Variants in TNPO3 observed in about 807,000 individuals in gnomAD.
TNPO3 encodes transportin-3.
TNPO3 carries 65 observed loss-of-function variants against 122.8 expected under a neutral mutation model. The observed-to-expected ratio is 0.53, with a 90% CI of 0.43 to 0.65. The LOEUF (loss-of-function observed/expected upper bound fraction) is 0.65. Among genes scored for constraint, TNPO3 ranks in the 30% least tolerant of loss-of-function variants. The pLI is 0.00. For missense variants in TNPO3, 850 were observed against 1,136.7 expected, an observed-to-expected ratio of 0.75 and a Z score of 3.63; for synonymous variants, 372 against 411.2, an observed-to-expected ratio of 0.90 and a Z score of 1.15.
At chr7:129,046,264 C>T (rs1450317641) in intron 1 of TNPO3, among the ~76,000 whole-genome samples, 1 of 150,522 alleles carries the variant, frequency 6.6e-6, no homozygotes, top group Non-Finnish European at 1.5e-5. Flanking sequence ...AATAGTCACA[C>T]TAGACTGGTG....
At chr7:129,028,576 G>C (rs1805537571) in intron 1 of TNPO3, among the ~76,000 whole-genome samples, 1 of 152,230 alleles carries the variant, frequency 6.6e-6, no homozygotes, top group Non-Finnish European at 1.5e-5. Context: ...AACAAGGTCA[G>C]TCCCGGCAGC....
At chr7:128,961,271 T>C (rs553904040) in intron 21 of TNPO3, among the ~76,000 whole-genome samples, 4 of 152,190 alleles carry the variant, frequency 2.6e-5, no homozygotes, top group African/African-American at 4.8e-5. Context: ...CCTTTTTTTT[T>C]CTCTTTTATA....
In TNPO3 at chr7:128,957,221, C is replaced by T. The variant is rs370478881; in HGVS notation, c.*31+3G>A. On this transcript the variant is annotated splice_donor_region_variant and intron_variant, in intron 22 of 22. Transcript: ENST00000265388. ...ACAAAAGCTGGGAACTATGTATCCT[C>T]ACCTGGGTGACAGGCACAGTGCAGG... is the stretch of plus-strand genomic sequence containing the variant. The T allele has an allele frequency of 1.2e-6, 2 of 1,613,570 alleles. No individual in the cohort carries two copies. The highest frequency in any genetic ancestry group is 1.7e-6 in the Non-Finnish European group (2 of 1,179,496).
chr7:128,956,814 G>A (rs553742576), intron 22 of TNPO3, among the ~76,000 whole-genome samples: 1 of 152,208 alleles, frequency 6.6e-6, no homozygotes, highest in Non-Finnish European at 1.5e-5. Context: ...ATTACATCTG[G>A]AGGGTCAGTT....
chr7:128,995,207 T>C (rs75969344), intron 8 of TNPO3, among the ~76,000 whole-genome samples: 16 of 152,354 alleles, frequency 1.1e-4, no homozygotes, highest in African/African-American at 3.8e-4. Context: ...TATGACATTA[T>C]TTTATGTTTG....
chr7:129,005,205 T>A, intron 4 of TNPO3, 46 bp from the exon 5 acceptor site: 1 of 1,519,120 alleles, frequency 6.6e-7, no homozygotes, highest in Non-Finnish European at 9.0e-7. Flanking sequence ...AATCTATATA[T>A]TTAAACCATT....
chr7:128,972,458 G>A lies in TNPO3; in HGVS notation c.2398C>T (p.Arg800Ter), dbSNP rs765598609. The change falls in exon 19 of 23, where the codon CGA becomes TGA. Residue 800 changes from arginine (R) to a stop codon, truncating the protein, a stop_gained. Coordinates refer to ENST00000265388, the MANE Select transcript of TNPO3 (RefSeq NM_012470.4). LOFTEE classifies it high-confidence loss of function. Reference sequence around the variant, plus strand: ...GCTACCCCTGTATGAATGAGGTCTCGTAGAAACCTCATGACACTACAATTG... The same window carrying A: ...GCTACCCCTGTATGAATGAGGTCTCATAGAAACCTCATGACACTACAATTG... ...DANCSVMRFL[R>*]DLIHTGVAND... The A allele has an allele frequency of 1.9e-6, 3 of 1,613,904 alleles. No homozygotes were observed. The highest frequency in any genetic ancestry group is 1.1e-5 in the South Asian group (1 of 91,042).
At chr7:129,049,934 A>T (rs1269763208) in intron 1 of TNPO3, among the ~76,000 whole-genome samples, 1 of 152,174 alleles carries the variant, frequency 6.6e-6, no homozygotes, top group East Asian at 1.9e-4. Flanking sequence ...CAAAAAATAA[A>T]GGAGTGGAGC....
intron 21 of TNPO3, among the ~76,000 whole-genome samples, chr7:128,962,371 C>CAAA (rs11287209): frequency 2.9e-5 from 3 of 102,238 alleles, no homozygotes; most frequent in Admixed American, 1.0e-4. Context: ...GACTCCGTCT[C>CAAA]AAAAAAAAAA....
rs144627210 is a variant in TNPO3 at position 129,051,949 on chromosome 7, G to A, written c.120+2702C>T. ...GTGAGCCACTGCACGCCCAGCCTGG[G>A]TGGTGGCTTTTTAGTAAAGACAAGA... is the stretch of plus-strand genomic sequence containing the variant. On this transcript the variant is annotated intron_variant, in intron 1 of 22. Coordinates refer to ENST00000265388, the MANE Select transcript of TNPO3 (RefSeq NM_012470.4). Among the ~76,000 whole-genome samples the A allele has an allele frequency of 5.0e-4, 76 of 152,280 alleles. No homozygotes were observed. The East Asian group carries it at 0.014, about 29-fold the overall frequency.
chr7:128,972,239 T>C (rs1489295940), intron 19 of TNPO3, among the ~76,000 whole-genome samples, 187 bp downstream of exon 19: 1 of 152,244 alleles, frequency 6.6e-6, no homozygotes, highest in Non-Finnish European at 1.5e-5. Context: ...GACTGCTTTA[T>C]ATAGCCTAAA....
Position 128,975,989 on chromosome 7 carries a change from C to T in TNPO3, c.2062-54G>A. Reference sequence around the variant, plus strand: ...TGCTTCGTCCTTCAAAAAGTACCAACTTACGAAGCTGTCTCCAGGAAGAAA... The same window carrying T: ...TGCTTCGTCCTTCAAAAAGTACCAATTTACGAAGCTGTCTCCAGGAAGAAA... On this transcript the variant is annotated intron_variant, in intron 16 of 22. Coordinates refer to ENST00000265388, the MANE Select transcript of TNPO3 (RefSeq NM_012470.4). The T allele has an allele frequency of 3.2e-6, 4 of 1,243,802 alleles. No homozygotes were observed. The South Asian group carries it at 4.8e-5, about 15-fold the overall frequency. 77.0% of individuals were successfully genotyped at this position (1,243,802 alleles called of 1,614,324 possible). A position where few individuals can be genotyped will look rare whatever the true frequency, so the allele number is the denominator to read the frequency against.
intron 1 of TNPO3, among the ~76,000 whole-genome samples, chr7:129,044,010 T>C (rs1369098833): frequency 2.0e-5 from 3 of 152,242 alleles, no homozygotes; most frequent in Non-Finnish European, 4.4e-5. Flanking sequence ...ATACAAAGCA[T>C]ATGTTAACAG....
chr7:128,966,070 A>G (rs998742825), intron 21 of TNPO3, among the ~76,000 whole-genome samples: 6 of 152,200 alleles, frequency 3.9e-5, no homozygotes, highest in African/African-American at 1.4e-4. Context: ...AATACTGTAA[A>G]TTTCATGTTA....
At chr7:129,017,115 T>A (rs1803939678) in intron 2 of TNPO3, 59 bp from the exon 3 acceptor site, 2 of 1,452,286 alleles carry the variant, frequency 1.4e-6, no homozygotes. Flanking sequence ...TCACAATAAA[T>A]ATTAATTGGG....
intron 12 of TNPO3, among the ~76,000 whole-genome samples, chr7:128,986,381 C>T (rs749730100): frequency 3.3e-5 from 5 of 152,202 alleles, no homozygotes; most frequent in South Asian, 2.1e-4. Context: ...TTTCAACTCC[C>T]ATTTACCTCT....
chr7:129,046,380 G>A (rs1174892749), intron 1 of TNPO3, among the ~76,000 whole-genome samples: 1 of 152,126 alleles, frequency 6.6e-6, no homozygotes, highest in African/African-American at 2.4e-5. Flanking sequence ...AAGGCACAGA[G>A]TATTCCTAGA....
At chr7:128,989,921 T>C (rs1322739816) in intron 11 of TNPO3, 40 bp downstream of exon 11, 3 of 1,587,604 alleles carry the variant, frequency 1.9e-6, no homozygotes, top group Non-Finnish European at 2.6e-6. Context: ...ATCAGAAAAA[T>C]GACAAGTTAG....
intron 21 of TNPO3, among the ~76,000 whole-genome samples, chr7:128,959,454 C>T (rs1797223288): frequency 6.6e-6 from 1 of 152,182 alleles, no homozygotes; most frequent in South Asian, 2.1e-4. Flanking sequence ...GCCTCAGCCT[C>T]CAAAGTGCTG....
Sources: gnomAD v4.1 joint callset for allele counts (sites outside exome capture counted in the v4.1 genomes callset) on GRCh38, gnomAD v4.1.1 for gene constraint, MANE v1.5 for transcripts, NCBI Gene and HGNC (gene_info 2026-07-23, HGNC 2026-07-21) for gene names.